Variants in SLC35F4 observed in about 807,000 individuals in gnomAD.
The protein encoded by SLC35F4 is chromosome 14 open reading frame 36.
SLC35F4 carries 24 observed loss-of-function variants against 44.2 expected under a neutral mutation model. The observed-to-expected ratio is 0.54, with a 90% CI of 0.39 to 0.76. The LOEUF is 0.76. Among genes scored for constraint, SLC35F4 ranks in the 30% least tolerant of loss-of-function variants. The pLI is 0.00. For synonymous variants in SLC35F4, 238 were observed against 223.6 expected (o/e 1.06, Z -0.57); for missense variants, 562 against 586.1 (o/e 0.96, Z 0.42).
rs538640696 is a variant in SLC35F4, at chr14:57,896,992, A to ATAAACTATAC, written n.282+84911_282+84920dup. 2.6e-3 allele frequency among the ~76,000 whole-genome samples: 391 copies of ATAAACTATAC among 152,074 alleles called. 1 individual carries two copies. Among genetic ancestry groups the ATAAACTATAC allele is most frequent in the Middle Eastern group, 0.021 (6 of 290 alleles). Reference sequence around the variant, plus strand: ...TGCTCTTCTTTCAGTTATCTGGAAGATAAACTATACTAAGGTACTTATGGA... The same window carrying ATAAACTATAC: ...TGCTCTTCTTTCAGTTATCTGGAAGATAAACTATACTAAACTATACTAAGGTACTTATGGA... On this transcript the variant is annotated intron_variant and non_coding_transcript_variant, in intron 1 of 1. Coordinates refer to the SLC35F4 transcript ENST00000556568.
chr14:57,924,506 T>C (rs1889510636), intron 1 of SLC35F4, among the ~76,000 whole-genome samples: 1 of 152,022 alleles, frequency 6.6e-6, no homozygotes, highest in Non-Finnish European at 1.5e-5. Flanking sequence ...TGGGGTGCAA[T>C]GGCGCTATCT....
intron 1 of SLC35F4, among the ~76,000 whole-genome samples, chr14:57,810,327 AG>A (rs1216401080): frequency 6.6e-6 from 1 of 152,260 alleles, no homozygotes; most frequent in African/African-American, 2.4e-5. Flanking sequence ...CTTATTGGAC[AG>A]GTACTATAAT....
chr14:57,792,761 C>T (rs1161670048), intron 1 of SLC35F4, among the ~76,000 whole-genome samples: 1 of 151,874 alleles, frequency 6.6e-6, no homozygotes, highest in African/African-American at 2.4e-5. Flanking sequence ...ATAATGGACT[C>T]TGGGGACTCA....
At chr14:57,593,529 G>A (rs890544955) in intron 2 of SLC35F4, among the ~76,000 whole-genome samples, 38 of 152,148 alleles carry the variant, frequency 2.5e-4, no homozygotes, top group Admixed American at 2.0e-3. Context: ...TAACAGTCCC[G>A]ATGAGGACAA....
At chr14:57,617,357 C>G (rs535235219) in intron 1 of SLC35F4, among the ~76,000 whole-genome samples, 18 of 151,992 alleles carry the variant, frequency 1.2e-4, no homozygotes, top group African/African-American at 4.1e-4. Flanking sequence ...GTCTCGATCT[C>G]CTGACCTCGT....
chr14:57,716,711 A>G (rs1247484247), intron 1 of SLC35F4, among the ~76,000 whole-genome samples: 2 of 152,202 alleles, frequency 1.3e-5, no homozygotes, highest in African/African-American at 2.4e-5. Flanking sequence ...CATCACCTCA[A>G]ATATTTATTA....
intron 1 of SLC35F4, among the ~76,000 whole-genome samples, chr14:57,735,657 A>G (rs1092014): frequency 0.066 from 10,114 of 152,208 alleles, 690 homozygotes; most frequent in East Asian, 0.16. Context: ...TGGAAGATGC[A>G]TAATGTTATT....
chr14:57,825,015 T>A (rs11158180), intron 1 of SLC35F4, among the ~76,000 whole-genome samples: 67,655 of 151,664 alleles, frequency 0.45, 16,735 homozygotes, highest in African/African-American at 0.65. Flanking sequence ...ATTTCAGGGG[T>A]AAAAAAAGAC....
At chr14:57,928,801 T>G (rs1354298182) in intron 1 of SLC35F4, among the ~76,000 whole-genome samples, 1 of 152,168 alleles carries the variant, frequency 6.6e-6, no homozygotes, top group African/African-American at 2.4e-5. Flanking sequence ...TAATAATGCT[T>G]CATCAATTAA....
intron 1 of SLC35F4, among the ~76,000 whole-genome samples, chr14:57,644,654 A>T (rs1255959567): frequency 6.6e-6 from 1 of 152,054 alleles, no homozygotes. Flanking sequence ...TTTTGTTGCC[A>T]TTGCTTTTGG....
At chr14:57,924,105 C>T (rs546454720) in intron 1 of SLC35F4, among the ~76,000 whole-genome samples, 104 of 152,342 alleles carry the variant, frequency 6.8e-4, no homozygotes, top group African/African-American at 2.4e-3. Flanking sequence ...CTCCTCCTTG[C>T]CTTCAGCCAT....
At chr14:57,943,204 C>A (rs1889946724) in intron 1 of SLC35F4, among the ~76,000 whole-genome samples, 1 of 152,148 alleles carries the variant, frequency 6.6e-6, no homozygotes, top group Non-Finnish European at 1.5e-5. Context: ...CTGGTGCAGC[C>A]CCCAGTGGTT....
intron 1 of SLC35F4, among the ~76,000 whole-genome samples, chr14:57,762,055 C>T (rs2077137316): frequency 6.6e-6 from 1 of 152,126 alleles, no homozygotes; most frequent in Non-Finnish European, 1.5e-5. Flanking sequence ...ACCCCTACTC[C>T]CGGTGAAATG....
chr14:57,635,778 A>G (rs1257965867), intron 1 of SLC35F4, among the ~76,000 whole-genome samples: 1 of 152,178 alleles, frequency 6.6e-6, no homozygotes, highest in African/African-American at 2.4e-5. Context: ...CTTGGAAGCT[A>G]ATGAGCTGTT....
intron 1 of SLC35F4, among the ~76,000 whole-genome samples, chr14:57,710,260 C>G (rs939330674): frequency 2.6e-5 from 4 of 152,242 alleles, no homozygotes; most frequent in Non-Finnish European, 5.9e-5. Context: ...ACAGCTTTCA[C>G]ATGGTGTTGA....
At chr14:57,962,736 G>C (rs1032955053) in intron 1 of SLC35F4, among the ~76,000 whole-genome samples, 2 of 152,196 alleles carry the variant, frequency 1.3e-5, no homozygotes, top group African/African-American at 2.4e-5. Context: ...GAGAAATTTT[G>C]TAAAATTTTG....
At chr14:57,780,770 A>T (rs1278581637) in intron 1 of SLC35F4, among the ~76,000 whole-genome samples, 1 of 152,080 alleles carries the variant, frequency 6.6e-6, no homozygotes, top group Non-Finnish European at 1.5e-5. Flanking sequence ...ATAAAAACAT[A>T]GACCAAGGGA....
intron 1 of SLC35F4, among the ~76,000 whole-genome samples, chr14:57,646,510 G>C (rs113909180): frequency 1.8e-4 from 28 of 152,000 alleles, no homozygotes; most frequent in Middle Eastern, 3.4e-3. Flanking sequence ...TGATTCTTCT[G>C]TCTTTTCTTC....
intron 1 of SLC35F4, among the ~76,000 whole-genome samples, chr14:57,914,656 G>T (rs1889282264): frequency 2.0e-5 from 3 of 151,962 alleles, no homozygotes; most frequent in Non-Finnish European, 4.4e-5. Flanking sequence ...TCTTTTTAAA[G>T]ATCCTGCCCC....
Sources: gnomAD v4.1 joint callset for allele counts (sites outside exome capture counted in the v4.1 genomes callset) on GRCh38, gnomAD v4.1.1 for gene constraint, MANE v1.5 for transcripts, NCBI Gene and HGNC (gene_info 2026-07-23, HGNC 2026-07-21) for gene names.